Variants in XKR4 observed in about 807,000 individuals in gnomAD.
XKR4 encodes the protein XK-related protein 4.
Under a neutral mutation model 53.9 loss-of-function variants are expected in XKR4, and 12 were observed. The ratio of observed to expected loss-of-function variants is 0.22; its 90% CI spans 0.14 to 0.36. XKR4 has a LOEUF of 0.36. Ranked by LOEUF, XKR4 falls within the 10% of genes least tolerant of loss-of-function variation. The probability of loss-of-function intolerance (pLI) is 1.00; values close to 1 mark genes in which losing one functional copy is unlikely to be tolerated. For synonymous variants in XKR4, 354 were observed against 362.4 expected (o/e 0.98, Z 0.26); for missense variants, 799 against 859.5 (o/e 0.93, Z 0.88).
At chr8:55,124,426 G>A (rs898776114) in intron 1 of XKR4, among the ~76,000 whole-genome samples, 79 of 152,314 alleles carry the variant, frequency 5.2e-4, no homozygotes, top group African/African-American at 1.6e-3. Flanking sequence ...GTTCCTTTTA[G>A]TTTGTTTCTG....
chr8:55,262,164 T>A (rs1482477170), intron 1 of XKR4, among the ~76,000 whole-genome samples: 2 of 152,328 alleles, frequency 1.3e-5, no homozygotes, highest in East Asian at 1.9e-4. Context: ...AGGATATTGA[T>A]AAATTAATTC....
intron 1 of XKR4, among the ~76,000 whole-genome samples, chr8:55,283,445 C>T (rs1818867299): frequency 1.3e-5 from 2 of 152,196 alleles, no homozygotes; most frequent in Admixed American, 1.3e-4. Flanking sequence ...TAACACTTCC[C>T]TCACAAGACT....
intron 1 of XKR4, among the ~76,000 whole-genome samples, chr8:55,326,431 T>C (rs1209791641): frequency 2.9e-4 from 44 of 151,768 alleles, no homozygotes; most frequent in African/African-American, 2.4e-5. Flanking sequence ...GTTTGTAAGA[T>C]ATACTACACA....
At chr8:55,454,756 G>A (rs575147424) in intron 2 of XKR4, 6 of 784,468 alleles carry the variant, frequency 7.6e-6, no homozygotes, top group African/African-American at 3.4e-5. Flanking sequence ...GTCAAGTCGC[G>A]ACACAGGTAC....
chr8:55,193,662 G>C (rs1270299773), intron 1 of XKR4, among the ~76,000 whole-genome samples: 1 of 152,238 alleles, frequency 6.6e-6, no homozygotes, highest in Non-Finnish European at 1.5e-5. Flanking sequence ...GCAGAAATGA[G>C]AGTCCCCATG....
chr8:55,198,799 C>A (rs993866109), intron 1 of XKR4, among the ~76,000 whole-genome samples: 1 of 152,098 alleles, frequency 6.6e-6, no homozygotes, highest in African/African-American at 2.4e-5. Context: ...TAGCCAGAAT[C>A]CTTTTATGAC....
chr8:55,280,197 C>T (rs1818822388), intron 1 of XKR4, among the ~76,000 whole-genome samples: 1 of 152,104 alleles, frequency 6.6e-6, no homozygotes, highest in Non-Finnish European at 1.5e-5. Flanking sequence ...GTGTTGCAAG[C>T]CTGGGTAAGA....
intron 1 of XKR4, among the ~76,000 whole-genome samples, chr8:55,279,946 AG>A (rs771481741): frequency 1.3e-5 from 2 of 152,242 alleles, no homozygotes; most frequent in Non-Finnish European, 2.9e-5. Context: ...GAGATGAATA[AG>A]GGTTGACAAA....
At chr8:55,473,895 C>T (rs1390185902) in intron 2 of XKR4, among the ~76,000 whole-genome samples, 1 of 150,758 alleles carries the variant, frequency 6.6e-6, no homozygotes, top group Non-Finnish European at 1.5e-5. Context: ...CCTTCCCTCC[C>T]TCCCTCTCTC....
intron 1 of XKR4, among the ~76,000 whole-genome samples, chr8:55,122,837 T>A (rs959510258): frequency 6.6e-6 from 1 of 152,140 alleles, no homozygotes; most frequent in South Asian, 2.1e-4. Context: ...TAATTAAACC[T>A]GTAGTCACCT....
chr8:55,433,557 T>G (rs1805131621), intron 2 of XKR4, among the ~76,000 whole-genome samples: 1 of 152,246 alleles, frequency 6.6e-6, no homozygotes, highest in Non-Finnish European at 1.5e-5. Flanking sequence ...TCTATGAGTC[T>G]ATTTCACCCA....
chr8:55,239,296 A>G (rs530176875), intron 1 of XKR4, among the ~76,000 whole-genome samples: 1 of 152,314 alleles, frequency 6.6e-6, no homozygotes, highest in African/African-American at 2.4e-5. Flanking sequence ...GTCACGGGTG[A>G]TAGCTCAAAT....
chr8:55,169,045 G>A (rs957981768), intron 1 of XKR4, among the ~76,000 whole-genome samples: 1 of 152,052 alleles, frequency 6.6e-6, no homozygotes, highest in Non-Finnish European at 1.5e-5. Flanking sequence ...ATACTTTCTG[G>A]TCCAATTTTT....
At chr8:55,510,226 C>T (rs1228057284) in intron 2 of XKR4, among the ~76,000 whole-genome samples, 1 of 152,082 alleles carries the variant, frequency 6.6e-6, no homozygotes, top group African/African-American at 2.4e-5. Context: ...AGCCAGGATC[C>T]CAGGAGTCCT....
intron 2 of XKR4, among the ~76,000 whole-genome samples, chr8:55,432,178 G>T (rs896272863): frequency 3.3e-5 from 5 of 152,286 alleles, no homozygotes; most frequent in Middle Eastern, 3.4e-3. Context: ...GGCAGGAGGA[G>T]GGTTATTCAC....
chr8:55,140,042 G>C (rs955639583), intron 1 of XKR4: 1 of 292,080 alleles, frequency 3.4e-6, no homozygotes, highest in Admixed American at 4.7e-5. Context: ...GACTCTTACT[G>C]AGAAAGATTC....
chr8:55,156,183 C>A (rs1300131681), intron 1 of XKR4, among the ~76,000 whole-genome samples: 1 of 151,332 alleles, frequency 6.6e-6, no homozygotes, highest in African/African-American at 2.4e-5. Flanking sequence ...AAGGCTTAGA[C>A]TGTTTAGTAT....
At chr8:55,378,631 T>C (rs1340304810) in intron 2 of XKR4, among the ~76,000 whole-genome samples, 2 of 152,204 alleles carry the variant, frequency 1.3e-5, no homozygotes, top group Non-Finnish European at 2.9e-5. Context: ...CATTTTATTC[T>C]GTTCAAAACT....
intron 1 of XKR4, among the ~76,000 whole-genome samples, chr8:55,343,679 A>G (rs1202038272): frequency 6.6e-6 from 1 of 152,152 alleles, no homozygotes; most frequent in Non-Finnish European, 1.5e-5. Context: ...GCTTTCAAGA[A>G]AGTCCTCCTA....
Sources: gnomAD v4.1 joint callset for allele counts (sites outside exome capture counted in the v4.1 genomes callset) on GRCh38, gnomAD v4.1.1 for gene constraint, MANE v1.5 for transcripts, NCBI Gene and HGNC (gene_info 2026-07-23, HGNC 2026-07-21) for gene names.